DPYSL3: variants seen among roughly 807,000 people sequenced by gnomAD.
DPYSL3 encodes the protein dihydropyrimidinase-related protein 3.
DPYSL3 carries 16 observed loss-of-function variants against 66.1 expected under a neutral mutation model. The ratio of observed to expected loss-of-function variants is 0.24; its 90% CI spans 0.16 to 0.37. The LOEUF (loss-of-function observed/expected upper bound fraction) is 0.37, where lower values mean the gene tolerates loss of function less well. DPYSL3 is among the 10% of genes least tolerant of loss of function. The pLI is 1.00. For synonymous variants in DPYSL3, 338 were observed against 345.1 expected (o/e 0.98, Z 0.23); for missense variants, 738 against 916.2 (o/e 0.81, Z 2.51).
Position 147,390,941 on chromosome 5 carries a change from G to A in DPYSL3, c.*3094C>T, listed in dbSNP as rs1757779956. The A allele has an allele frequency of 6.6e-6, 1 of 152,620 alleles. No individual in the cohort carries two copies. Among genetic ancestry groups the A allele is most frequent in the Admixed American group, 6.5e-5 (1 of 15,278 alleles). 9.5% of individuals were successfully genotyped at this position (152,620 alleles called of 1,614,324 possible). On this transcript the variant is annotated 3_prime_UTR_variant, in exon 14 of 14. Transcript: ENST00000343218. ...AAACCAAACAGCTCTTCACGTTCCA[G>A]AGCTGCCTCACAGCTAGCACAGATC...
chr5:147,509,388 T>A lies in DPYSL3; in HGVS notation c.381+90A>T. On this transcript the variant is annotated intron_variant, in intron 1 of 13. Coordinates refer to ENST00000343218, the MANE Select transcript of DPYSL3 (RefSeq NM_001197294.2). The surrounding 1 kb of genome is among the most constrained non-coding windows in gnomAD (Gnocchi z 5.3). The stretch of plus-strand genomic sequence containing the variant: ...CCTTGTCCCCCAGCCCCGTGCAAAG[T>A]GAGCTGGAGAAAGTTGTGCCCGGGC... The A allele has an allele frequency of 7.1e-7, 1 of 1,404,620 alleles. No homozygotes were observed. Among genetic ancestry groups the A allele is most frequent in the Non-Finnish European group, 9.3e-7 (1 of 1,070,154 alleles). The allele number at this position is 1,404,620 out of a possible 1,614,324, so 87.0% of individuals were successfully genotyped here.
chr5:147,444,390 T>A (rs548161921), intron 1 of DPYSL3, among the ~76,000 whole-genome samples: 22 of 152,324 alleles, frequency 1.4e-4, no homozygotes, highest in Middle Eastern at 3.4e-3. Context: ...CAGGGTACAA[T>A]AAATGTGAAT....
intron 1 of DPYSL3, among the ~76,000 whole-genome samples, chr5:147,455,645 A>G (rs568914876): frequency 2.6e-4 from 39 of 152,318 alleles, no homozygotes; most frequent in Non-Finnish European, 5.3e-4. Flanking sequence ...GGAAACCAGC[A>G]GAGCTCTCTC....
At chr5:147,464,375 C>T (rs1043003449) in intron 1 of DPYSL3, among the ~76,000 whole-genome samples, 4 of 152,262 alleles carry the variant, frequency 2.6e-5, no homozygotes, top group Middle Eastern at 3.4e-3. Context: ...TATTTAGTGC[C>T]TTTTCACCAA....
At chr5:147,497,146 A>G (rs1414461683) in intron 1 of DPYSL3, among the ~76,000 whole-genome samples, 1 of 151,756 alleles carries the variant, frequency 6.6e-6, no homozygotes, top group Non-Finnish European at 1.5e-5. Context: ...AAACTATCAC[A>G]AGGACAAAAA....
intron 12 of DPYSL3, among the ~76,000 whole-genome samples, chr5:147,396,865 G>A (rs1757990542): frequency 6.9e-6 from 1 of 144,628 alleles, no homozygotes. Flanking sequence ...GTATATGTGT[G>A]TATATATATA....
intron 1 of DPYSL3, among the ~76,000 whole-genome samples, chr5:147,503,695 T>C (rs1259550404): frequency 1.3e-5 from 2 of 152,114 alleles, no homozygotes; most frequent in Non-Finnish European, 2.9e-5. Context: ...GCCCAAAAAA[T>C]TTTCGTTTAA....
intron 2 of DPYSL3, among the ~76,000 whole-genome samples, chr5:147,419,273 T>C (rs1561780737): frequency 6.6e-6 from 1 of 152,146 alleles, no homozygotes; most frequent in African/African-American, 2.4e-5. Flanking sequence ...CTTTATGACA[T>C]GGTCAGTGTC....
intron 1 of DPYSL3, among the ~76,000 whole-genome samples, chr5:147,486,936 T>C (rs1753337336): frequency 6.6e-6 from 1 of 152,234 alleles, no homozygotes; most frequent in African/African-American, 2.4e-5. Flanking sequence ...AGTCATTATC[T>C]CAACCCCCAA....
At chr5:147,466,702 G>A (rs1170402467) in intron 1 of DPYSL3, among the ~76,000 whole-genome samples, 1 of 152,162 alleles carries the variant, frequency 6.6e-6, no homozygotes, top group East Asian at 1.9e-4. Context: ...CAAAGTGTGA[G>A]GCTGCAATCC....
chr5:147,443,224 T>C (rs1752566454), intron 1 of DPYSL3, among the ~76,000 whole-genome samples: 1 of 152,266 alleles, frequency 6.6e-6, no homozygotes, highest in Middle Eastern at 3.4e-3. Context: ...CTATTTACAA[T>C]AGCAAAGACA....
intron 1 of DPYSL3, among the ~76,000 whole-genome samples, chr5:147,431,370 A>G (rs138390240): frequency 6.6e-6 from 1 of 151,710 alleles, no homozygotes; most frequent in Non-Finnish European, 1.5e-5. Context: ...CACCAACACT[A>G]CCCGTGTTTG....
rs936628864 is a variant in DPYSL3, at chr5:147,394,086, C to T, written c.2004G>A (p.Lys668=). Reference sequence around the variant, plus strand: ...GGCCGCCTGGGGGCGCCACGATGCGCTTGCTGGCTGAGCGAACCCCCTCAT... The same window carrying T: ...GGCCGCCTGGGGGCGCCACGATGCGTTTGCTGGCTGAGCGAACCCCCTCAT... ...QVDEGVRSAS[K]RIVAPPGGRS... Residue 668 remains lysine (K), a synonymous_variant, in exon 14 of 14, where the codon AAG becomes AAA. Coordinates refer to ENST00000343218, the MANE Select transcript of DPYSL3 (RefSeq NM_001197294.2). 3 of 1,614,164 alleles carry T rather than the reference C, an allele frequency of 1.9e-6. No individual in the cohort carries two copies. In the East Asian group the frequency reaches 6.7e-5, roughly 36 times the overall value.
At chr5:147,432,779 T>C (rs1325300573) in intron 1 of DPYSL3, among the ~76,000 whole-genome samples, 2 of 152,216 alleles carry the variant, frequency 1.3e-5, no homozygotes, top group Non-Finnish European at 2.9e-5. Context: ...ATTATCCTTA[T>C]ATAAATGTAT....
chr5:147,403,484 CA>C (rs1451109097), intron 8 of DPYSL3, among the ~76,000 whole-genome samples: 2 of 152,086 alleles, frequency 1.3e-5, no homozygotes, highest in Non-Finnish European at 2.9e-5. Flanking sequence ...AGTTGTGCTG[CA>C]ATTTCATCTG....
chr5:147,403,276 C>G (rs572440703), intron 8 of DPYSL3, among the ~76,000 whole-genome samples: 1 of 152,150 alleles, frequency 6.6e-6, no homozygotes, highest in South Asian at 2.1e-4. Context: ...TACTTACACA[C>G]TAAAGGATAC....
At chr5:147,397,179 T>C (rs1758013617) in intron 12 of DPYSL3, among the ~76,000 whole-genome samples, 1 of 46,990 alleles carries the variant, frequency 2.1e-5, no homozygotes, top group Non-Finnish European at 3.9e-5. Flanking sequence ...TAGACCTATA[T>C]ATATATATAT....
chr5:147,411,176 G>T (rs909136198), intron 6 of DPYSL3, among the ~76,000 whole-genome samples: 1 of 152,164 alleles, frequency 6.6e-6, no homozygotes, highest in African/African-American at 2.4e-5. Flanking sequence ...AGGCATTTGG[G>T]CTCTCTAAAG....
intron 1 of DPYSL3, among the ~76,000 whole-genome samples, chr5:147,428,101 A>C (rs995513306): frequency 6.6e-6 from 1 of 152,214 alleles, no homozygotes; most frequent in Non-Finnish European, 1.5e-5. Context: ...AATTAACACC[A>C]TTGAGATGGT....
Sources: allele counts gnomAD v4.1 joint callset (sites outside exome capture counted in the v4.1 genomes callset), GRCh38; gene constraint gnomAD v4.1.1; non-coding constraint Gnocchi (gnomAD v3.1); transcripts MANE v1.5; gene names NCBI Gene and HGNC (gene_info 2026-07-23, HGNC 2026-07-21).